The following PTBP3 variants were observed in gnomAD, a reference collection of about 807,000 sequenced individuals.
The protein encoded by PTBP3 is polypyrimidine tract binding protein 3.
In PTBP3, 20 loss-of-function variants were observed where a neutral mutation model predicts 58.7. The ratio of observed to expected loss-of-function variants is 0.34; its 90% CI spans 0.24 to 0.50. The LOEUF is 0.50. Ranked by LOEUF, PTBP3 falls within the 20% of genes least tolerant of loss-of-function variation. PTBP3 has a pLI of 0.98. For synonymous variants in PTBP3, 185 were observed against 219.8 expected (o/e 0.84, Z 1.40); for missense variants, 509 against 637.2 (o/e 0.80, Z 2.17).
At chr9:112,234,616 TG>T (rs569967429) in intron 8 of PTBP3, among the ~76,000 whole-genome samples, 67 of 152,364 alleles carry the variant, frequency 4.4e-4, no homozygotes, top group African/African-American at 1.6e-3. Flanking sequence ...TACTGATTAC[TG>T]GAATTAAAAA....
chr9:112,368,651 G>A, the PTBP3 span, among the ~76,000 whole-genome samples: 1 of 152,298 alleles, frequency 6.6e-6, no homozygotes, highest in Admixed American at 6.5e-5. Context: ...TTCATAAGGG[G>A]ACAATTGATG....
chr9:112,231,974 GAGAAGAGAAGAGAAGAGAAGAGAAGAGA>G (rs1564391448), intron 9 of PTBP3, 97 bp downstream of exon 9: 16 of 383,254 alleles, frequency 4.2e-5, no homozygotes, highest in South Asian at 1.2e-4. Flanking sequence ...GAAGAGAGAA[GAGAAGAGAAGAGAAGAGAAGAGAAGAGA>G]AGAGAAGAGA....
chr9:112,236,597 T>C (rs1199738263), intron 7 of PTBP3, among the ~76,000 whole-genome samples: 1 of 152,186 alleles, frequency 6.6e-6, no homozygotes, highest in Non-Finnish European at 1.5e-5. Flanking sequence ...TATTGTATTA[T>C]TGTTGCCAAA....
chr9:112,282,556 A>G (rs1315052426), intron 2 of PTBP3, among the ~76,000 whole-genome samples: 1 of 152,188 alleles, frequency 6.6e-6, no homozygotes, highest in Admixed American at 6.5e-5. Flanking sequence ...AATTTCATTA[A>G]GTTACGGTTT....
chr9:112,263,274 G>A (rs987711268), intron 4 of PTBP3, among the ~76,000 whole-genome samples: 2 of 152,094 alleles, frequency 1.3e-5, no homozygotes, highest in African/African-American at 2.4e-5. Flanking sequence ...AGTCCATACC[G>A]ATATAAATCA....
chr9:112,361,083 A>G, the PTBP3 span, among the ~76,000 whole-genome samples: 12 of 151,812 alleles, frequency 7.9e-5, no homozygotes, highest in Non-Finnish European at 1.0e-4. Flanking sequence ...AACTTCATAG[A>G]CTTTATTTAT....
At position 112,218,889 on chromosome 9, in the gene PTBP3, G is replaced by C. The variant is rs1834711284; in HGVS notation, c.*4962C>G. 1 of 152,346 alleles carries C rather than the reference G, an allele frequency of 6.6e-6. No individual in the cohort carries two copies. Among genetic ancestry groups the C allele is most frequent in the Non-Finnish European group, 1.5e-5 (1 of 68,004 alleles). 9.4% of individuals were successfully genotyped at this position (152,346 alleles called of 1,614,324 possible). A position where few individuals can be genotyped will look rare whatever the true frequency, so the allele number is the denominator to read the frequency against. ...TGTTAGACGAACATTCTTAAAAACT[G>C]AAAAGGGGAATTTTGATGAACAGAC... On this transcript the variant is annotated 3_prime_UTR_variant, in exon 14 of 14. Transcript: ENST00000374257.
chr9:112,306,363 A>G (rs1380000615), intron 1 of PTBP3, among the ~76,000 whole-genome samples: 1 of 149,070 alleles, frequency 6.7e-6, no homozygotes, highest in African/African-American at 2.5e-5. Flanking sequence ...ATGGGGTTTC[A>G]CCATGTTGCC....
chr9:112,333,453 C>G lies in PTBP3; in HGVS notation c.-52+17G>C, dbSNP rs761677890. ...CCAAGGCAACCCGGTGCGGCCGCCG[C>G]GCCGCCTAGTACTTACCCATCCATG... is the stretch of plus-strand genomic sequence containing the variant. On this transcript the variant is annotated intron_variant, in intron 1 of 13. Coordinates refer to ENST00000374257, the MANE Select transcript of PTBP3 (RefSeq NM_001163788.4). 2 of 1,574,620 alleles carry G rather than the reference C, an allele frequency of 1.3e-6. No homozygotes were observed. Among genetic ancestry groups the G allele is most frequent in the Non-Finnish European group, 1.7e-6 (2 of 1,161,230 alleles).
At chr9:112,226,683 T>C (rs1426290635) in intron 12 of PTBP3, among the ~76,000 whole-genome samples, 3 of 152,224 alleles carry the variant, frequency 2.0e-5, no homozygotes, top group Non-Finnish European at 4.4e-5. Flanking sequence ...TCAGCTTTGC[T>C]GTTGTAACTC....
intron 3 of PTBP3, among the ~76,000 whole-genome samples, chr9:112,270,523 A>G (rs1194473210): frequency 6.6e-6 from 1 of 151,848 alleles, no homozygotes; most frequent in Non-Finnish European, 1.5e-5. Context: ...AGCATTTTTA[A>G]TTTTTTAAAG....
intron 2 of PTBP3, among the ~76,000 whole-genome samples, chr9:112,284,955 T>C (rs1486899939): frequency 2.3e-5 from 1 of 43,626 alleles, no homozygotes; most frequent in African/African-American, 1.7e-4. Flanking sequence ...TTGGGACTTT[T>C]GGGTTATGTT....
At position 112,221,616 on chromosome 9, in the gene PTBP3, A is replaced by C. The variant is rs973972766; in HGVS notation, c.*2235T>G. 3.0e-6 allele frequency: 3 copies of C among 985,248 alleles called. No homozygotes were observed. The highest frequency in any genetic ancestry group is 6.2e-5 in the Admixed American group (1 of 16,256). The allele number at this position is 985,248 out of a possible 1,614,324, so 61.0% of individuals were successfully genotyped here. On this transcript the variant is annotated 3_prime_UTR_variant, in exon 14 of 14. Coordinates refer to ENST00000374257, the MANE Select transcript of PTBP3 (RefSeq NM_001163788.4). ...CCTCCTTCATATACCCCTTGTGTCT[A>C]GGTCAAAACTTATTTCATAAGTAAA...
chr9:112,289,266 A>G (rs11792085), intron 2 of PTBP3, among the ~76,000 whole-genome samples: 129,217 of 152,194 alleles, frequency 0.85, 55,275 homozygotes, highest in African/African-American at 0.95. Context: ...CATATACCTT[A>G]GAGCACTGAC....
rs988680612 is a variant in PTBP3, at chr9:112,292,296, A to G, written c.34+5536T>C. Reference sequence around the variant, plus strand: ...ACCCAAAAAATAAGTATTCACAAGGATGTGGAAAAACTGAAACCCCTGTGT... The same window carrying G: ...ACCCAAAAAATAAGTATTCACAAGGGTGTGGAAAAACTGAAACCCCTGTGT... On this transcript the variant is annotated intron_variant, in intron 2 of 13. Transcript: ENST00000374257. 7.2e-5 allele frequency among the ~76,000 whole-genome samples: 11 copies of G among 152,350 alleles called. No individual in the cohort carries two copies. The East Asian group carries it at 2.1e-3, about 29-fold the overall frequency.
chr9:112,360,451 G>A, the PTBP3 span, among the ~76,000 whole-genome samples: 1 of 152,136 alleles, frequency 6.6e-6, no homozygotes, highest in African/African-American at 2.4e-5. Flanking sequence ...TTCCTAAAGT[G>A]TTACGATTAC....
chr9:112,276,015 T>TA lies in PTBP3; in HGVS notation c.35-3dup. On this transcript the variant is annotated splice_polypyrimidine_tract_variant and splice_region_variant and intron_variant, in intron 2 of 13. Coordinates refer to ENST00000374257, the MANE Select transcript of PTBP3 (RefSeq NM_001163788.4). ...ATTTCTTGCTGTCATTCCCATTAGCTAAAAAACATAAGATTCTTTTTTAAA... is the reference window on the plus strand; with the variant it reads ...ATTTCTTGCTGTCATTCCCATTAGCTAAAAAAACATAAGATTCTTTTTTAAA... 1 of 1,608,298 alleles carries TA rather than the reference T, an allele frequency of 6.2e-7. No individual in the cohort carries two copies.
intron 5 of PTBP3, among the ~76,000 whole-genome samples, chr9:112,253,722 G>C (rs1488348025): frequency 1.3e-5 from 2 of 152,118 alleles, no homozygotes; most frequent in Non-Finnish European, 2.9e-5. Context: ...GTTCTCAAGA[G>C]ATCTGATTGT....
rs1834798748 is a variant in PTBP3, at chr9:112,221,296, A to C, written c.*2555T>G. ...ACACACACATTCACACACACACACA[A>C]ACACACCCCTACACAAATCCCTGAA... On this transcript the variant is annotated 3_prime_UTR_variant, in exon 14 of 14. Transcript: ENST00000374257. 1 of 985,000 alleles carries C rather than the reference A, an allele frequency of 1.0e-6. No homozygotes were observed. Among genetic ancestry groups the C allele is most frequent in the Non-Finnish European group, 1.2e-6 (1 of 829,364 alleles). 61.0% of individuals were successfully genotyped at this position (985,000 alleles called of 1,614,324 possible). A position where few individuals can be genotyped will look rare whatever the true frequency, so the allele number is the denominator to read the frequency against.
Sources: gnomAD v4.1 joint callset for allele counts (sites outside exome capture counted in the v4.1 genomes callset) on GRCh38, gnomAD v4.1.1 for gene constraint, MANE v1.5 for transcripts, NCBI Gene and HGNC (gene_info 2026-07-23, HGNC 2026-07-21) for gene names.